The following NEK11 variants were observed in gnomAD, a reference collection of about 807,000 sequenced individuals.
The protein encoded by NEK11 is NIMA related kinase 11.
A neutral mutation model predicts 80.7 loss-of-function variants in NEK11; 72 were observed. That is an observed-to-expected ratio of 0.89 (90% CI 0.74 to 1.08). The LOEUF (loss-of-function observed/expected upper bound fraction) is 1.08, where lower values mean the gene tolerates loss of function less well. Ranked by LOEUF, NEK11 falls within the 50% of genes least tolerant of loss-of-function variation. NEK11 has a pLI of 0.00. For missense variants in NEK11, 764 were observed against 763.6 expected (o/e 1.00, Z -0.01); for synonymous variants, 251 against 260.7 (o/e 0.96, Z 0.36).
intron 6 of NEK11, among the ~76,000 whole-genome samples, chr3:131,133,532 C>G (rs2149596820): frequency 6.6e-6 from 1 of 152,216 alleles, no homozygotes; most frequent in East Asian, 1.9e-4. Context: ...TGCCATTATT[C>G]AGACTTTAAA....
chr3:131,261,248 A>G (rs1180329915), intron 16 of NEK11, among the ~76,000 whole-genome samples: 1 of 152,214 alleles, frequency 6.6e-6, no homozygotes, highest in African/African-American at 2.4e-5. Flanking sequence ...CACAGCATCC[A>G]ATTGCCAAAT....
chr3:131,332,225 G>A (rs566643760), intron 17 of NEK11, among the ~76,000 whole-genome samples: 3 of 152,328 alleles, frequency 2.0e-5, no homozygotes, highest in East Asian at 1.9e-4. Flanking sequence ...CCCAGTAGGG[G>A]CACACTGACA....
At chr3:131,279,590 C>T (rs2096362568) in intron 17 of NEK11, among the ~76,000 whole-genome samples, 2 of 152,128 alleles carry the variant, frequency 1.3e-5, no homozygotes, top group Non-Finnish European at 2.9e-5. Flanking sequence ...CCTGTGCTCC[C>T]CCTTTGTAGT....
intron 14 of NEK11, among the ~76,000 whole-genome samples, chr3:131,194,823 T>A (rs2093935395): frequency 6.6e-6 from 1 of 152,170 alleles, no homozygotes; most frequent in African/African-American, 2.4e-5. Flanking sequence ...AAGCAAGAAG[T>A]CTGCATGGTA....
chr3:131,031,248 G>A (rs555227739), intron 3 of NEK11, among the ~76,000 whole-genome samples: 1 of 152,260 alleles, frequency 6.6e-6, no homozygotes, highest in East Asian at 1.9e-4. Context: ...TTCTACATGA[G>A]GGATGATAAA....
chr3:131,190,907 G>A (rs1311500863), intron 14 of NEK11, among the ~76,000 whole-genome samples: 1 of 152,080 alleles, frequency 6.6e-6, no homozygotes, highest in Non-Finnish European at 1.5e-5. Flanking sequence ...GGAAAGGTGA[G>A]TTGGAAAAAA....
intron 4 of NEK11, among the ~76,000 whole-genome samples, chr3:131,098,825 G>GTT (rs57251382): frequency 1.2e-4 from 17 of 146,402 alleles, no homozygotes; most frequent in African/African-American, 2.8e-4. Context: ...ACTTTTAAAT[G>GTT]TTTTTTTTTT....
rs767301029 is a variant in NEK11, at chr3:131,080,481, A to G, written c.229A>G (p.Asn77Asp). The G allele has an allele frequency of 6.2e-7, 1 of 1,614,040 alleles. No individual in the cohort carries two copies. Among genetic ancestry groups the G allele is most frequent in the South Asian group, 1.1e-5 (1 of 91,060 alleles). ...AAATCCAAATGAAACTGTACAGGCC[A>G]ATTTGGAAGCCCAACTCCTCTCCAA... ...ELNPNETVQA[N>D]LEAQLLSKLD... is the part of the protein sequence containing the mutation. Residue 77 changes from asparagine (N) to aspartate (D), a missense_variant, in exon 4 of 18, where the codon AAT (asparagine) becomes GAT (aspartate). By Grantham distance (23) the Asn-to-Asp change is conservative. Coordinates refer to ENST00000383366, the MANE Select transcript of NEK11 (RefSeq NM_024800.5).
At position 131,162,399 on chromosome 3, in the gene NEK11, T is replaced by C. The variant is rs1452487560; in HGVS notation, c.963-9T>C. The C allele has an allele frequency of 1.9e-6, 3 of 1,610,654 alleles. No homozygotes were observed. In the African/African-American group the frequency reaches 4.0e-5, roughly 22 times the overall value. ...TGGGCTATATGAGGGGAATCTTTGT[T>C]ATTTATAGGCAAAAAAGGATCCACC... On this transcript the variant is annotated splice_polypyrimidine_tract_variant and intron_variant, in intron 10 of 17. Transcript: ENST00000383366.
intron 4 of NEK11, among the ~76,000 whole-genome samples, chr3:131,104,387 G>A (rs2078859056): frequency 6.6e-6 from 1 of 152,100 alleles, no homozygotes; most frequent in Non-Finnish European, 1.5e-5. Flanking sequence ...AAACAGTCTG[G>A]CTGCCTTACT....
intron 17 of NEK11, among the ~76,000 whole-genome samples, chr3:131,339,617 A>G (rs765460353): frequency 2.0e-5 from 3 of 152,166 alleles, no homozygotes; most frequent in Non-Finnish European, 2.9e-5. Context: ...GGGTACAGGG[A>G]AATATTTGGG....
At chr3:131,102,741 T>C (rs1004344833) in intron 4 of NEK11, among the ~76,000 whole-genome samples, 1 of 152,204 alleles carries the variant, frequency 6.6e-6, no homozygotes, top group Non-Finnish European at 1.5e-5. Context: ...TAGGGAAATT[T>C]TCATGGACTA....
rs1323163376 is a variant in NEK11, at chr3:131,194,484, G to A, written c.1399+23597G>A. 3.9e-5 allele frequency among the ~76,000 whole-genome samples: 6 copies of A among 152,154 alleles called. No homozygotes were observed. The East Asian group carries it at 1.2e-3, about 29-fold the overall frequency. On this transcript the variant is annotated intron_variant, in intron 14 of 17. Coordinates refer to ENST00000383366, the MANE Select transcript of NEK11 (RefSeq NM_024800.5). ...AAATTCAGAACTTGGAGTCAGAAAT[G>A]CATAATATTTCCTTACTTCAACATT...
intron 16 of NEK11, among the ~76,000 whole-genome samples, chr3:131,248,429 T>C (rs2095642190): frequency 6.6e-6 from 1 of 152,092 alleles, no homozygotes; most frequent in Non-Finnish European, 1.5e-5. Flanking sequence ...TAAATAGGCA[T>C]ACAATACATA....
chr3:131,163,601 A>G (rs992359534), intron 11 of NEK11, among the ~76,000 whole-genome samples: 8 of 152,130 alleles, frequency 5.3e-5, no homozygotes, highest in Admixed American at 6.6e-5. Context: ...ATGAATGGGG[A>G]AATGTTGTCA....
At chr3:131,261,153 A>G (rs1286483935) in intron 16 of NEK11, among the ~76,000 whole-genome samples, 1 of 152,224 alleles carries the variant, frequency 6.6e-6, no homozygotes, top group Non-Finnish European at 1.5e-5. Flanking sequence ...TTCAGGGAAA[A>G]TAACTTTGCT....
intron 14 of NEK11, among the ~76,000 whole-genome samples, chr3:131,181,122 T>C (rs1245472648): frequency 6.6e-6 from 1 of 152,204 alleles, no homozygotes; most frequent in African/African-American, 2.4e-5. Flanking sequence ...AGGTTACAGA[T>C]GGAACTAAGG....
In NEK11 at chr3:131,273,555, A is replaced by T; in HGVS notation, c.1699A>T (p.Lys567Ter). 6.2e-7 allele frequency: 1 copy of T among 1,613,866 alleles called. No homozygotes were observed. The highest frequency in any genetic ancestry group is 1.6e-4 in the Middle Eastern group (1 of 6,062). The change falls in exon 17 of 18, where the codon AAG becomes TAG. Residue 567 changes from lysine to a stop codon, truncating the protein, a stop_gained. Transcript: ENST00000383366. LOFTEE classifies it low-confidence loss of function (END_TRUNC). ...PIFNSVMARTKMKRMRESAMQ... is the reference protein window; with the variant it reads ...PIFNSVMART ...TTTCAACAGTGTGATGGCCAGGACC[A>T]AGATGAAACGCATGAGGGAGTAAGT...
At chr3:131,117,882 A>G (rs1242445808) in intron 5 of NEK11, among the ~76,000 whole-genome samples, 3 of 152,134 alleles carry the variant, frequency 2.0e-5, no homozygotes, top group Non-Finnish European at 2.9e-5. Flanking sequence ...GGCTGAGACG[A>G]TGGGGTTTTC....
Sources: gnomAD v4.1 joint callset for allele counts (sites outside exome capture counted in the v4.1 genomes callset) on GRCh38, gnomAD v4.1.1 for gene constraint, MANE v1.5 for transcripts, NCBI Gene and HGNC (gene_info 2026-07-23, HGNC 2026-07-21) for gene names.